STYXL2: variants seen among roughly 807,000 people sequenced by gnomAD.
The protein encoded by STYXL2 is serine/threonine/tyrosine-interacting-like protein 2.
A neutral mutation model predicts 52.4 loss-of-function variants in STYXL2; 44 were observed. The observed-to-expected ratio is 0.84, with a 90% CI of 0.66 to 1.08. The LOEUF is 1.08. Ranked by LOEUF, STYXL2 falls within the 50% of genes least tolerant of loss-of-function variation. STYXL2 has a pLI of 0.00. For synonymous variants in STYXL2, 604 were observed against 586.9 expected, an observed-to-expected ratio of 1.03 and a Z score of -0.42; for missense variants, 1,604 against 1,471.7, an observed-to-expected ratio of 1.09 and a Z score of -1.47.
At position 167,125,999 on chromosome 1, in the gene STYXL2, G is replaced by C. The variant is rs757112515; in HGVS notation, c.868G>C (p.Gly290Arg). ...EEREEDYGRE[G>R]GSAEAEEGEG... ...GAGAGAAGAGGACTATGGCCGGGAG[G>C]GGGGATCAGCTGAGGCTGAGGAGGG... Residue 290 changes from glycine (G) to arginine (R), a missense_variant, in exon 6 of 6, where the codon GGG becomes CGG. Coordinates refer to ENST00000361200, the MANE Select transcript of STYXL2 (RefSeq NM_001080426.3). 2.0e-5 allele frequency: 33 copies of C among 1,610,728 alleles called. No homozygotes were observed. Among genetic ancestry groups the C allele is most frequent in the East Asian group, 2.0e-4 (9 of 44,782 alleles).
At chr1:167,104,206 T>C (rs577627361) in intron 2 of STYXL2, among the ~76,000 whole-genome samples, 1 of 150,898 alleles carries the variant, frequency 6.6e-6, no homozygotes, top group South Asian at 2.1e-4. Context: ...GCTATTATCA[T>C]CAGTTTTCTC....
chr1:167,113,771 T>G lies in STYXL2; in HGVS notation c.172T>G (p.Ser58Ala), dbSNP rs758551323. The G allele has an allele frequency of 6.2e-7, 1 of 1,614,092 alleles. No individual in the cohort carries two copies. The highest frequency in any genetic ancestry group is 1.7e-5 in the Admixed American group (1 of 60,018). ...SIFMEPIHLS[S>A]AIAAKQIINE... ...TTTCATGGAACCCATTCACCTCTCC[T>G]CAGCCATTGCAGCCAAACAGATCAT... The change falls in exon 3 of 6, where the codon TCA becomes GCA. Residue 58 changes from serine to alanine, a missense_variant. Coordinates refer to ENST00000361200, the MANE Select transcript of STYXL2 (RefSeq NM_001080426.3).
At chr1:167,114,930 GTTGGAAA>G (rs1667696669) in intron 3 of STYXL2, among the ~76,000 whole-genome samples, 1 of 152,216 alleles carries the variant, frequency 6.6e-6, no homozygotes, top group South Asian at 2.1e-4. Context: ...CTCTTTTGTG[GTTGGAAA>G]TTTCCCTAAC....
At position 167,119,750 on chromosome 1, in the gene STYXL2, AAG is replaced by A. The variant is rs1667811867; in HGVS notation, c.655+288_655+289del. 2.0e-5 allele frequency among the ~76,000 whole-genome samples: 3 copies of A among 152,314 alleles called. No individual in the cohort carries two copies. The South Asian group carries it at 6.2e-4, about 32-fold the overall frequency. The stretch of plus-strand genomic sequence containing the variant: ...GTAAGAGGGGACAGAAAATGAAAAA[AAG>A]AGAAAAAAATGTCAGATGGTGATAA... On this transcript the variant is annotated intron_variant, in intron 5 of 5. Transcript: ENST00000361200.
chr1:167,113,274 T>C (rs941852779), intron 2 of STYXL2, among the ~76,000 whole-genome samples: 2 of 151,922 alleles, frequency 1.3e-5, no homozygotes, highest in African/African-American at 4.8e-5. Context: ...ACAGAAAGAG[T>C]GGTGGCAACC....
intron 2 of STYXL2, among the ~76,000 whole-genome samples, chr1:167,103,616 A>C (rs1667445335): frequency 6.6e-6 from 1 of 152,194 alleles, no homozygotes; most frequent in Non-Finnish European, 1.5e-5. Context: ...AAACACCTTA[A>C]ATTCAAACCT....
chr1:167,099,718 T>G (rs1667362826), intron 2 of STYXL2, among the ~76,000 whole-genome samples: 1 of 152,240 alleles, frequency 6.6e-6, no homozygotes, highest in Admixed American at 6.5e-5. Flanking sequence ...TTTTGCAGTA[T>G]CTACTAAAGC....
intron 2 of STYXL2, among the ~76,000 whole-genome samples, chr1:167,104,513 A>T (rs1667471625): frequency 6.6e-6 from 1 of 152,128 alleles, no homozygotes; most frequent in Admixed American, 6.5e-5. Flanking sequence ...AGACAGGGGC[A>T]TGAAGTGTAA....
At position 167,126,793 on chromosome 1, in the gene STYXL2, T is replaced by G. The variant is rs1558027870; in HGVS notation, c.1662T>G (p.Phe554Leu). 6.2e-7 allele frequency: 1 copy of G among 1,614,144 alleles called. No individual in the cohort carries two copies. The highest frequency in any genetic ancestry group is 8.5e-7 in the Non-Finnish European group (1 of 1,180,022). Residue 554 changes from phenylalanine to leucine, a missense_variant, in exon 6 of 6, where the codon TTT (phenylalanine) becomes TTG (leucine). Transcript: ENST00000361200. ...GATGGAAGATCAAGAGAATCCAATT[T>G]GGATTTCACAAGAAAGACTTGGGAG... ...LERWKIKRIQ[F>L]GFHKKDLGAG... is the part of the protein sequence containing the mutation.
chr1:167,095,039 G>C (rs1034020089), intron 2 of STYXL2, 80 bp downstream of exon 2: 4 of 1,028,712 alleles, frequency 3.9e-6, no homozygotes, highest in Admixed American at 2.4e-5. Context: ...GCTCCAGGGA[G>C]CCTGCAGCCA....
At chr1:167,099,945 C>G (rs35304574) in intron 2 of STYXL2, among the ~76,000 whole-genome samples, 6,868 of 152,294 alleles carry the variant, frequency 0.045, 173 homozygotes, top group African/African-American at 0.063. Context: ...AACTGCCTGT[C>G]TTGGTCTCTT....
chr1:167,107,508 A>T (rs1336185527), intron 2 of STYXL2, among the ~76,000 whole-genome samples: 1 of 152,244 alleles, frequency 6.6e-6, no homozygotes, highest in Non-Finnish European at 1.5e-5. Flanking sequence ...CACAGCCAAG[A>T]TCCTGCTTTT....
rs2102252193 is a variant in STYXL2 at position 167,127,992 on chromosome 1, G to T, written c.2861G>T (p.Trp954Leu). 2 of 1,614,168 alleles carry T rather than the reference G, an allele frequency of 1.2e-6. No homozygotes were observed. Among genetic ancestry groups the T allele is most frequent in the Non-Finnish European group, 1.7e-6 (2 of 1,180,028 alleles). Residue 954 changes from tryptophan (W) to leucine (L), a missense_variant, in exon 6 of 6, where the codon TGG becomes TTG. Coordinates refer to ENST00000361200, the MANE Select transcript of STYXL2 (RefSeq NM_001080426.3). Reference sequence around the variant, plus strand: ...GAAAAACCTCCTTTCCAAAGTGACTGGTCTGGAAGTTCCAGAGGGAAGTAC... The same window carrying T: ...GAAAAACCTCCTTTCCAAAGTGACTTGTCTGGAAGTTCCAGAGGGAAGTAC... ...TEEKPPFQSD[W>L]SGSSRGKYTR... is the part of the protein sequence containing the mutation.
chr1:167,124,059 A>T (rs115816520), intron 5 of STYXL2, among the ~76,000 whole-genome samples: 1,801 of 152,144 alleles, frequency 0.012, 34 homozygotes, highest in African/African-American at 0.042. Context: ...CTGAGACTAC[A>T]GGCGCTTGCC....
chr1:167,110,684 G>GATT (rs1558020875), intron 2 of STYXL2, among the ~76,000 whole-genome samples: 1 of 151,972 alleles, frequency 6.6e-6, no homozygotes, highest in Non-Finnish European at 1.5e-5. Context: ...TTCCACCTTG[G>GATT]TGATTGTGTT....
rs1667249849 is a variant in STYXL2 at position 167,094,897 on chromosome 1, G to C, written c.48G>C (p.Glu16Asp). The C allele has an allele frequency of 9.9e-6, 16 of 1,613,350 alleles. No individual in the cohort carries two copies. Among genetic ancestry groups the C allele is most frequent in the Non-Finnish European group, 1.4e-5 (16 of 1,179,840 alleles). The change falls in exon 2 of 6, where the codon GAG (glutamate) becomes GAC (aspartate). Residue 16 changes from glutamate (E) to aspartate (D), a missense_variant. Physicochemically the swap from Glu to Asp is conservative, Grantham distance 45 (BLOSUM62 2). Transcript: ENST00000361200. ...DTEEEQVVPS[E>D]EDEANVRAVQ... ...AGGAGGAGCAGGTAGTCCCAAGCGAGGAGGACGAAGCCAACGTGAGGGCGG... is the reference window on the plus strand; with the variant it reads ...AGGAGGAGCAGGTAGTCCCAAGCGACGAGGACGAAGCCAACGTGAGGGCGG...
intron 3 of STYXL2, 28 bp from the exon 4 acceptor site, chr1:167,117,300 T>G: frequency 6.4e-7 from 1 of 1,567,908 alleles, no homozygotes; most frequent in Non-Finnish European, 8.7e-7. Context: ...CCTAACTCTC[T>G]GATGAGAATG....
At chr1:167,101,576 A>C (rs1667402894) in intron 2 of STYXL2, among the ~76,000 whole-genome samples, 1 of 152,104 alleles carries the variant, frequency 6.6e-6, no homozygotes, top group South Asian at 2.1e-4. Context: ...GGCTGAAGCA[A>C]GTGGATCACC....
At chr1:167,123,838 G>A (rs1300381032) in intron 5 of STYXL2, among the ~76,000 whole-genome samples, 1 of 152,136 alleles carries the variant, frequency 6.6e-6, no homozygotes. Flanking sequence ...TGGCCAGGCT[G>A]GTCTTGAATT....
Sources: allele counts gnomAD v4.1 joint callset (sites outside exome capture counted in the v4.1 genomes callset), GRCh38; gene constraint gnomAD v4.1.1; transcripts MANE v1.5; gene names NCBI Gene and HGNC (gene_info 2026-07-23, HGNC 2026-07-21).